The following TMEM156 variants were observed in gnomAD, a reference collection of about 807,000 sequenced individuals.
TMEM156 encodes transmembrane protein 156.
A neutral mutation model predicts 30.5 loss-of-function variants in TMEM156; 28 were observed. The ratio of observed to expected loss-of-function variants is 0.92; its 90% confidence interval spans 0.68 to 1.26. The LOEUF is 1.26. TMEM156 is among the 50% of genes most tolerant of loss of function. The pLI, the probability that TMEM156 is intolerant of heterozygous loss-of-function variation, is 0.00. For missense variants in TMEM156, 351 were observed against 340.6 expected, an observed-to-expected ratio of 1.03 and a Z score of -0.24; for synonymous variants, 137 against 119.9, an observed-to-expected ratio of 1.14 and a Z score of -0.93.
chr4:39,014,626 G>C (rs923060951), intron 1 of TMEM156, among the ~76,000 whole-genome samples: 1 of 151,830 alleles, frequency 6.6e-6, no homozygotes, highest in Non-Finnish European at 1.5e-5. Flanking sequence ...GGGCATGGTG[G>C]TGTGTACCTG....
intron 1 of TMEM156, among the ~76,000 whole-genome samples, chr4:39,001,501 T>C (rs1001227275): frequency 2.0e-5 from 3 of 150,978 alleles, no homozygotes; most frequent in African/African-American, 7.3e-5. Context: ...ATTTTTAAGA[T>C]TTCTAAATAA....
At chr4:38,992,297 C>T (rs1324928290) in intron 3 of TMEM156, among the ~76,000 whole-genome samples, 1 of 151,738 alleles carries the variant, frequency 6.6e-6, no homozygotes, top group Admixed American at 6.6e-5. Context: ...ACTTCATGAC[C>T]CCAACACCTG....
chr4:38,986,661 A>G (rs1260085927), intron 4 of TMEM156, among the ~76,000 whole-genome samples: 2 of 151,634 alleles, frequency 1.3e-5, no homozygotes, highest in African/African-American at 4.8e-5. Context: ...TACAAAAATT[A>G]GCTGGGCGTG....
chr4:39,021,629 A>C (rs1016508073), intron 1 of TMEM156, among the ~76,000 whole-genome samples: 1 of 152,176 alleles, frequency 6.6e-6, no homozygotes, highest in Non-Finnish European at 1.5e-5. Context: ...GCTATGCAGA[A>C]GATTTTTAGT....
At chr4:38,995,920 T>A (rs1231988456) in intron 2 of TMEM156, among the ~76,000 whole-genome samples, 1 of 152,032 alleles carries the variant, frequency 6.6e-6, no homozygotes, top group South Asian at 2.1e-4. Context: ...GCCACCATGA[T>A]GTGAAGACAC....
At chr4:39,018,503 A>G (rs1714649149) in intron 1 of TMEM156, among the ~76,000 whole-genome samples, 1 of 151,950 alleles carries the variant, frequency 6.6e-6, no homozygotes, top group Admixed American at 6.6e-5. Context: ...AAAGCTAATT[A>G]TTTAGAAGTT....
rs138410067 is a variant in TMEM156 at position 38,998,065 on chromosome 4, G to C, written c.358+575C>G. On this transcript the variant is annotated intron_variant, in intron 2 of 6. Coordinates refer to ENST00000381938, the MANE Select transcript of TMEM156 (RefSeq NM_024943.3). ...TTTAAAGATTTACTACTTTTGAAGA[G>C]AGTATATGCCAAATAATCCTCTACC... Among the ~76,000 whole-genome samples the C allele has an allele frequency of 8.5e-3, 1,300 of 152,298 alleles. 8 individuals are homozygous for C. Among genetic ancestry groups the C allele is most frequent in the Non-Finnish European group, 0.014 (961 of 68,026 alleles).
intron 1 of TMEM156, among the ~76,000 whole-genome samples, chr4:39,027,150 T>C (rs1715249135): frequency 6.6e-6 from 1 of 152,234 alleles, no homozygotes; most frequent in South Asian, 2.1e-4. Context: ...CACATGTAAA[T>C]GTATTTGTTA....
In TMEM156 at chr4:38,988,715, G is replaced by A; in HGVS notation, c.739+136C>T. On this transcript the variant is annotated intron_variant, in intron 4 of 6. Transcript: ENST00000381938. The stretch of plus-strand genomic sequence containing the variant: ...CATGCTGGAACTGTGTTTTATCTAC[G>A]TTTTTATTCCTTGAGTTACCAAGAA... 4 of 1,190,748 alleles carry A rather than the reference G, an allele frequency of 3.4e-6. No homozygotes were observed. The South Asian group carries it at 4.0e-5, about 12-fold the overall frequency. 73.8% of individuals were successfully genotyped at this position (1,190,748 alleles called of 1,614,324 possible). A position where few individuals can be genotyped will look rare whatever the true frequency, so the allele number is the denominator to read the frequency against.
chr4:38,993,347 C>T (rs1276559921), intron 3 of TMEM156, among the ~76,000 whole-genome samples: 3 of 152,034 alleles, frequency 2.0e-5, no homozygotes, highest in Non-Finnish European at 4.4e-5. Flanking sequence ...GGGAGGATCA[C>T]CTGAGCCCGG....
chr4:39,029,470 T>TAAAAACCAAGACAATTATG (rs376272164), intron 1 of TMEM156, among the ~76,000 whole-genome samples: 2 of 90,800 alleles, frequency 2.2e-5, no homozygotes, highest in Admixed American at 1.1e-4. Context: ...AACTAATTTT[T>TAAAAACCAAGACAATTATG]TTGGGAGGCC....
intron 3 of TMEM156, among the ~76,000 whole-genome samples, chr4:38,990,929 G>A (rs28624273): frequency 0.021 from 2,970 of 138,142 alleles, 117 homozygotes; most frequent in African/African-American, 0.075. Flanking sequence ...CACCTCCCGG[G>A]TTCAAGCGAG....
At chr4:38,999,224 C>T (rs1024048149) in intron 1 of TMEM156, among the ~76,000 whole-genome samples, 4 of 150,096 alleles carry the variant, frequency 2.7e-5, no homozygotes, top group Non-Finnish European at 5.9e-5. Flanking sequence ...TCAGGCAATT[C>T]TCCCAACTCA....
chr4:39,021,182 C>T (rs890104991), intron 1 of TMEM156, among the ~76,000 whole-genome samples: 4 of 152,064 alleles, frequency 2.6e-5, no homozygotes, highest in South Asian at 2.1e-4. Flanking sequence ...ACAGGAGGAT[C>T]GCTTGAGCCC....
chr4:38,989,365 C>T (rs1480572909), intron 3 of TMEM156, among the ~76,000 whole-genome samples: 1 of 152,156 alleles, frequency 6.6e-6, no homozygotes, highest in African/African-American at 2.4e-5. Flanking sequence ...GTCCTCAAAT[C>T]AGCAAAGATG....
chr4:38,994,619 G>A (rs1433950203), intron 2 of TMEM156, among the ~76,000 whole-genome samples: 1 of 152,130 alleles, frequency 6.6e-6, no homozygotes, highest in Non-Finnish European at 1.5e-5. Flanking sequence ...TTTTAGGGCT[G>A]CTGTAACAAA....
At chr4:38,980,281 TA>T (rs1723114598) in intron 5 of TMEM156, among the ~76,000 whole-genome samples, 1 of 152,120 alleles carries the variant, frequency 6.6e-6, no homozygotes, top group Non-Finnish European at 1.5e-5. Context: ...GTATCTTTAA[TA>T]CTCCAAAGGA....
chr4:38,968,209 A>G (rs890568806), intron 6 of TMEM156, among the ~76,000 whole-genome samples: 4 of 152,222 alleles, frequency 2.6e-5, no homozygotes, highest in Non-Finnish European at 4.4e-5. Flanking sequence ...TTTATTTTCT[A>G]TATCTATCAA....
At chr4:38,970,391 C>T (rs181990545) in intron 6 of TMEM156, among the ~76,000 whole-genome samples, 10 of 152,222 alleles carry the variant, frequency 6.6e-5, no homozygotes, top group African/African-American at 2.2e-4. Flanking sequence ...TGAAAAACCA[C>T]CCACGTATTC....
Sources: gnomAD v4.1 joint callset for allele counts (sites outside exome capture counted in the v4.1 genomes callset) on GRCh38, gnomAD v4.1.1 for gene constraint, MANE v1.5 for transcripts, NCBI Gene and HGNC (gene_info 2026-07-23, HGNC 2026-07-21) for gene names.